The following LIN28B variants were observed in gnomAD, a reference collection of about 807,000 sequenced individuals.
LIN28B encodes protein lin-28 homolog B.
Under a neutral mutation model 21.9 loss-of-function variants are expected in LIN28B, and 5 were observed. That is an observed-to-expected ratio of 0.23 (90% CI 0.12 to 0.48). The LOEUF (loss-of-function observed/expected upper bound fraction) is 0.48, where lower values mean the gene tolerates loss of function less well. LIN28B is among the 20% of genes least tolerant of loss of function. The pLI is 0.98. For missense variants in LIN28B, 245 were observed against 310.5 expected, an observed-to-expected ratio of 0.79 and a Z score of 1.58; for synonymous variants, 109 against 111.3, an observed-to-expected ratio of 0.98 and a Z score of 0.13.
At chr6:104,977,420 C>T in intron 2 of LIN28B, among the ~76,000 whole-genome samples, 1 of 152,164 alleles carries the variant, frequency 6.6e-6, no homozygotes, top group East Asian at 1.9e-4. Context: ...AACTTCAAAA[C>T]CCTTTATAAA....
At chr6:104,959,862 AT>A (rs1260499597) in intron 2 of LIN28B, among the ~76,000 whole-genome samples, 1 of 152,210 alleles carries the variant, frequency 6.6e-6, no homozygotes, top group Non-Finnish European at 1.5e-5. Context: ...AATGAAAAAA[AT>A]AACCCTTCTT....
chr6:104,956,946 A>C (rs555400105), upstream of LIN28B: 11 of 520,610 alleles, frequency 2.1e-5, no homozygotes, highest in Non-Finnish European at 3.3e-5. Context: ...GTTCATTCAT[A>C]AATTATTTTG....
chr6:104,973,320 A>G (rs1359708515), intron 2 of LIN28B, among the ~76,000 whole-genome samples: 1 of 152,146 alleles, frequency 6.6e-6, no homozygotes, highest in Admixed American at 6.5e-5. Context: ...ATGTTTTCAG[A>G]GTGAGAATTT....
At position 104,957,981 on chromosome 6, in the gene LIN28B, A is replaced by AT. The variant is rs551109018; in HGVS notation, c.11-108dup. The AT allele has an allele frequency of 1.9e-3, 1,072 of 551,982 alleles. 1 individual carries two copies. Among genetic ancestry groups the AT allele is most frequent in the Non-Finnish European group, 2.4e-3 (807 of 334,706 alleles). 34.2% of individuals were successfully genotyped at this position (551,982 alleles called of 1,614,324 possible). ...AAAAGAAATCAAACCATTAAAAAAAATTTTTTTTTTCTGTTACCCTTCCCC... is the reference window on the plus strand; with the variant it reads ...AAAAGAAATCAAACCATTAAAAAAAATTTTTTTTTTTCTGTTACCCTTCCCC... On this transcript the variant is annotated intron_variant, in intron 1 of 3. Transcript: ENST00000345080.
At chr6:105,027,316 C>T (rs1000889083) in intron 3 of LIN28B, among the ~76,000 whole-genome samples, 1 of 152,036 alleles carries the variant, frequency 6.6e-6, no homozygotes, top group African/African-American at 2.4e-5. Context: ...TGAATGTTGT[C>T]TTTTTAAAAT....
At chr6:105,042,132 C>A (rs1342847688) in intron 3 of LIN28B, among the ~76,000 whole-genome samples, 3 of 152,040 alleles carry the variant, frequency 2.0e-5, no homozygotes. Context: ...GAACTCCCAC[C>A]CCCATCTAAA....
intron 3 of LIN28B, among the ~76,000 whole-genome samples, chr6:104,951,149 A>G (rs1178403657): frequency 1.3e-5 from 2 of 152,194 alleles, no homozygotes; most frequent in Non-Finnish European, 2.9e-5. Context: ...TAAAAGTTAT[A>G]GCACCATTTT....
intron 2 of LIN28B, among the ~76,000 whole-genome samples, chr6:105,006,303 C>CTGTTTTGTTT (rs200814200): frequency 2.0e-5 from 3 of 151,796 alleles, no homozygotes; most frequent in Admixed American, 2.0e-4. Context: ...TGGTTCTGTT[C>CTGTTTTGTTT]TGTTTTGTTT....
intron 2 of LIN28B, among the ~76,000 whole-genome samples, chr6:105,025,914 A>T (rs1771279110): frequency 1.3e-5 from 2 of 151,980 alleles, no homozygotes; most frequent in Non-Finnish European, 2.9e-5. Context: ...TGGTGCTATT[A>T]TATTAATAAT....
chr6:105,008,283 A>G (rs1047580199), intron 2 of LIN28B, among the ~76,000 whole-genome samples: 14 of 152,206 alleles, frequency 9.2e-5, no homozygotes, highest in African/African-American at 3.4e-4. Flanking sequence ...GAGAGTGACC[A>G]TACAAACTCT....
upstream of LIN28B, among the ~76,000 whole-genome samples, chr6:104,953,385 G>A (rs149537818): frequency 2.6e-3 from 389 of 152,258 alleles, 5 homozygotes; most frequent in African/African-American, 8.9e-3. Flanking sequence ...AGCTTTAGGA[G>A]ATTCTGGCAT....
chr6:105,015,737 A>G (rs1413724773), intron 2 of LIN28B, among the ~76,000 whole-genome samples: 1 of 152,210 alleles, frequency 6.6e-6, no homozygotes, highest in Non-Finnish European at 1.5e-5. Flanking sequence ...GCATGATATC[A>G]CAACCAAGAA....
intron 2 of LIN28B, among the ~76,000 whole-genome samples, chr6:104,991,075 G>C (rs1770456923): frequency 6.6e-6 from 1 of 152,212 alleles, no homozygotes; most frequent in South Asian, 2.1e-4. Flanking sequence ...GAGCTGTTGG[G>C]TACACCTCCC....
intron 2 of LIN28B, among the ~76,000 whole-genome samples, chr6:105,001,556 G>A (rs1770721233): frequency 6.6e-6 from 1 of 152,114 alleles, no homozygotes; most frequent in Non-Finnish European, 1.5e-5. Context: ...TACTGTTTAG[G>A]TTTGATAAGT....
chr6:105,078,658 G>A lies in LIN28B; in HGVS notation c.628G>A (p.Ala210Thr). The change falls in exon 4 of 4, where the codon GCT becomes ACT. Residue 210 changes from alanine to threonine, a missense_variant. Transcript: ENST00000345080. ...GCTSPPFPQE[A>T]RAEISERSGR... Reference sequence around the variant, plus strand: ...TACATCACCACCGTTTCCTCAGGAGGCTAGGGCAGAGATCTCAGAACGGTC... The same window carrying A: ...TACATCACCACCGTTTCCTCAGGAGACTAGGGCAGAGATCTCAGAACGGTC... 6.2e-7 allele frequency: 1 copy of A among 1,614,132 alleles called. No homozygotes were observed. Among genetic ancestry groups the A allele is most frequent in the Non-Finnish European group, 8.5e-7 (1 of 1,180,032 alleles).
chr6:104,998,960 T>C (rs1020698033), intron 2 of LIN28B, among the ~76,000 whole-genome samples: 2 of 152,164 alleles, frequency 1.3e-5, no homozygotes, highest in African/African-American at 4.8e-5. Context: ...AAGAAAATGA[T>C]TTATAATGTA....
rs1394662944 is a variant in LIN28B, at chr6:105,027,587, T to C, written c.383+1105T>C. Among the ~76,000 whole-genome samples the C allele has an allele frequency of 2.0e-5, 3 of 151,964 alleles. No homozygotes were observed. The East Asian group carries it at 5.8e-4, about 29-fold the overall frequency. ...AGAAATTTTTTTAGCTTATAAAATATATTTTATCTTTAATGATAGTTTTTA... is the reference window on the plus strand; with the variant it reads ...AGAAATTTTTTTAGCTTATAAAATACATTTTATCTTTAATGATAGTTTTTA... On this transcript the variant is annotated intron_variant, in intron 3 of 3. Coordinates refer to ENST00000345080, the MANE Select transcript of LIN28B (RefSeq NM_001004317.4).
In LIN28B at chr6:104,957,211, T is replaced by A. The variant is rs1778302123; in HGVS notation, c.-40T>A. On this transcript the variant is annotated 5_prime_UTR_variant, in exon 1 of 4. Transcript: ENST00000345080. ...ATCACTCCGTTCCAAAGGGAAAGTTTTCATCTCACGAGTTTGGAGCTGAGG... is the reference window on the plus strand; with the variant it reads ...ATCACTCCGTTCCAAAGGGAAAGTTATCATCTCACGAGTTTGGAGCTGAGG... 5.0e-6 allele frequency: 8 copies of A among 1,613,894 alleles called. No individual in the cohort carries two copies. Among genetic ancestry groups the A allele is most frequent in the Non-Finnish European group, 6.8e-6 (8 of 1,179,904 alleles).
intron 2 of LIN28B, among the ~76,000 whole-genome samples, chr6:104,959,100 A>C (rs1430680294): frequency 6.6e-6 from 1 of 152,192 alleles, no homozygotes; most frequent in Admixed American, 6.5e-5. Flanking sequence ...TCCCATTTTC[A>C]AAATTTTACC....
Sources: allele counts gnomAD v4.1 joint callset (sites outside exome capture counted in the v4.1 genomes callset), GRCh38; gene constraint gnomAD v4.1.1; transcripts MANE v1.5; gene names NCBI Gene and HGNC (gene_info 2026-07-23, HGNC 2026-07-21).